The following EML6 variants were observed in gnomAD, a reference collection of about 807,000 sequenced individuals.
The protein encoded by EML6 is echinoderm microtubule-associated protein-like 6.
EML6 carries 154 observed loss-of-function variants against 240.1 expected under a neutral mutation model. The observed-to-expected ratio is 0.64, with a 90% CI of 0.56 to 0.73. The LOEUF is 0.73. Among genes scored for constraint, EML6 ranks in the 30% least tolerant of loss-of-function variants. The pLI, the probability that EML6 is intolerant of heterozygous loss-of-function variation, is 0.00. For synonymous variants in EML6, 1,148 were observed against 899.0 expected, an observed-to-expected ratio of 1.28 and a Z score of -4.95; for missense variants, 2,964 against 2,474.6, an observed-to-expected ratio of 1.20 and a Z score of -4.20.
rs1376331653 is a variant in EML6 at position 54,915,936 on chromosome 2, G to T, written c.3499-823G>T. ...AAATCTCCCAGAAAGCCATAATGTTGTTGTTATTGTCTATTATTGTTTTAA... is the reference window on the plus strand; with the variant it reads ...AAATCTCCCAGAAAGCCATAATGTTTTTGTTATTGTCTATTATTGTTTTAA... On this transcript the variant is annotated intron_variant, in intron 25 of 41. Coordinates refer to ENST00000356458, the MANE Select transcript of EML6 (RefSeq NM_001039753.4). Among the ~76,000 whole-genome samples the T allele has an allele frequency of 2.6e-5, 4 of 152,100 alleles. No individual in the cohort carries two copies. The East Asian group carries it at 7.7e-4, about 29-fold the overall frequency.
At chr2:54,894,448 C>G (rs1272782686) in intron 19 of EML6, among the ~76,000 whole-genome samples, 3 of 152,178 alleles carry the variant, frequency 2.0e-5, no homozygotes, top group Admixed American at 6.5e-5. Flanking sequence ...CTAAGCTACT[C>G]TTAATAAATA....
At chr2:54,762,102 T>G (rs1668005828) in intron 2 of EML6, among the ~76,000 whole-genome samples, 1 of 152,204 alleles carries the variant, frequency 6.6e-6, no homozygotes, top group Admixed American at 6.5e-5. Flanking sequence ...GATAATGTAT[T>G]GCATTTCATT....
At chr2:54,856,469 A>G (rs1301397795) in intron 11 of EML6, among the ~76,000 whole-genome samples, 1 of 152,226 alleles carries the variant, frequency 6.6e-6, no homozygotes, top group Non-Finnish European at 1.5e-5. Flanking sequence ...CTTGTGTTGT[A>G]CATTTTATGA....
intron 3 of EML6, among the ~76,000 whole-genome samples, chr2:54,815,604 A>T (rs1471286559): frequency 6.6e-6 from 1 of 152,230 alleles, no homozygotes; most frequent in African/African-American, 2.4e-5. Flanking sequence ...TTTCTTATGA[A>T]TAAAAATACA....
intron 7 of EML6, among the ~76,000 whole-genome samples, chr2:54,835,132 C>A (rs1669073114): frequency 6.6e-6 from 1 of 152,220 alleles, no homozygotes; most frequent in Admixed American, 6.5e-5. Context: ...TCAAATAAAG[C>A]CTATGCTGAT....
chr2:54,773,033 C>G (rs72915587), intron 2 of EML6, among the ~76,000 whole-genome samples: 1,594 of 152,308 alleles, frequency 0.01, 33 homozygotes, highest in African/African-American at 0.035. Flanking sequence ...CCGAAAGTGA[C>G]TGGATCTTGG....
chr2:54,967,329 C>G (rs1258415074), intron 39 of EML6: 3 of 317,524 alleles, frequency 9.4e-6, no homozygotes, highest in Non-Finnish European at 1.8e-5. Flanking sequence ...TGTGTAATTT[C>G]TTCTACAAGT....
In EML6 at chr2:54,813,274, A is replaced by G. The variant is rs1005412583; in HGVS notation, c.240A>G (p.Gln80=). 9 of 1,550,906 alleles carry G rather than the reference A, an allele frequency of 5.8e-6. No homozygotes were observed. The highest frequency in any genetic ancestry group is 1.7e-6 in the Non-Finnish European group (2 of 1,146,582). The change falls in exon 3 of 42, where the codon CAA becomes CAG. Residue 80 remains glutamine, a synonymous_variant. Coordinates refer to ENST00000356458, the MANE Select transcript of EML6 (RefSeq NM_001039753.4). ...HPDKTLVATG[Q]VGKEPYICIW... Reference sequence around the variant, plus strand: ...ACAAAACTCTCGTTGCAACTGGCCAAGTCGGGAAGGAGCCATATATATGCA... The same window carrying G: ...ACAAAACTCTCGTTGCAACTGGCCAGGTCGGGAAGGAGCCATATATATGCA...
Position 54,866,762 on chromosome 2 carries a change from TA to T in EML6, c.1933-2del. 6.5e-7 allele frequency: 1 copy of T among 1,535,032 alleles called. No homozygotes were observed. The highest frequency in any genetic ancestry group is 8.8e-7 in the Non-Finnish European group (1 of 1,132,250). On this transcript the variant is annotated splice_polypyrimidine_tract_variant and splice_region_variant and intron_variant, in intron 13 of 41. Transcript: ENST00000356458. ...TCACCCAGATGTTTCTGTTGTACTT[TA>T]AGGTTTACAAAGAAGATCTACCTCA...
chr2:54,899,773 C>T lies in EML6; in HGVS notation c.3115C>T (p.Leu1039Phe). The T allele has an allele frequency of 1.3e-6, 2 of 1,548,350 alleles. No individual in the cohort carries two copies. Among genetic ancestry groups the T allele is most frequent in the Non-Finnish European group, 1.7e-6 (2 of 1,145,864 alleles). ...AQHRMLAVRK[L>F]KKGGRCCAFS... Reference sequence around the variant, plus strand: ...GCACCGTATGCTGGCAGTACGGAAACTCAAAAAAGGTACATAACACCACCT... The same window carrying T: ...GCACCGTATGCTGGCAGTACGGAAATTCAAAAAAGGTACATAACACCACCT... The change falls in exon 22 of 42, where the codon CTC becomes TTC. Residue 1039 changes from leucine (L) to phenylalanine (F), a missense_variant. By Grantham distance (22) the Leu-to-Phe change is conservative. Coordinates refer to ENST00000356458, the MANE Select transcript of EML6 (RefSeq NM_001039753.4).
intron 16 of EML6, among the ~76,000 whole-genome samples, chr2:54,874,078 T>C (rs1671388154): frequency 6.6e-6 from 1 of 152,284 alleles, no homozygotes; most frequent in African/African-American, 2.4e-5. Flanking sequence ...TGATTAATTT[T>C]CTATTTTTTG....
At chr2:54,885,772 C>A (rs547611094) in intron 17 of EML6, among the ~76,000 whole-genome samples, 1 of 151,666 alleles carries the variant, frequency 6.6e-6, no homozygotes, top group South Asian at 2.1e-4. Context: ...CCACCGCGCC[C>A]GGCTAATTTT....
chr2:54,842,631 T>C (rs138054129), intron 7 of EML6, among the ~76,000 whole-genome samples: 12 of 152,344 alleles, frequency 7.9e-5, no homozygotes, highest in African/African-American at 2.9e-4. Flanking sequence ...ATCCTGGCCT[T>C]GTTTTAAAGT....
intron 19 of EML6, among the ~76,000 whole-genome samples, chr2:54,893,948 T>C (rs1391105244): frequency 1.3e-5 from 2 of 152,206 alleles, no homozygotes; most frequent in Non-Finnish European, 2.9e-5. Context: ...GAAGTAGATA[T>C]GGTGTAACTT....
intron 2 of EML6, among the ~76,000 whole-genome samples, chr2:54,789,644 C>G (rs1669318915): frequency 6.7e-6 from 1 of 149,762 alleles, no homozygotes; most frequent in Non-Finnish European, 1.5e-5. Context: ...TTCTCTTCTT[C>G]TGTCATGTGC....
At chr2:54,830,615 C>T (rs1668821451) in intron 7 of EML6, among the ~76,000 whole-genome samples, 3 of 152,112 alleles carry the variant, frequency 2.0e-5, no homozygotes, top group East Asian at 1.9e-4. Flanking sequence ...TGGCAGTGCG[C>T]GGTGCTCTCT....
At chr2:54,879,256 C>T (rs1239246610) in intron 16 of EML6, among the ~76,000 whole-genome samples, 5 of 152,160 alleles carry the variant, frequency 3.3e-5, no homozygotes, top group Non-Finnish European at 7.4e-5. Context: ...CTTCGGCAGC[C>T]CGTTATGCAT....
At chr2:54,890,331 T>G (rs1355491926) in intron 17 of EML6, among the ~76,000 whole-genome samples, 2 of 152,198 alleles carry the variant, frequency 1.3e-5, no homozygotes, top group Non-Finnish European at 2.9e-5. Context: ...TTCTTCTTTT[T>G]AATTGCTTTT....
At chr2:54,756,557 G>T (rs1048704712) in intron 2 of EML6, among the ~76,000 whole-genome samples, 1 of 151,846 alleles carries the variant, frequency 6.6e-6, no homozygotes, top group African/African-American at 2.4e-5. Flanking sequence ...GGGCAGTAGG[G>T]TGTTTCTTTT....
Sources: gnomAD v4.1 joint callset for allele counts (sites outside exome capture counted in the v4.1 genomes callset) on GRCh38, gnomAD v4.1.1 for gene constraint, MANE v1.5 for transcripts, NCBI Gene and HGNC (gene_info 2026-07-23, HGNC 2026-07-21) for gene names.